Variants in SPPL2A observed in about 807,000 individuals in gnomAD.
SPPL2A encodes the protein signal peptide peptidase like 2A.
A neutral mutation model predicts 63.8 loss-of-function variants in SPPL2A; 51 were observed. That is an observed-to-expected ratio of 0.80 (90% confidence interval 0.64 to 1.01). SPPL2A has a LOEUF of 1.01. Among genes scored for constraint, SPPL2A ranks in the 50% least tolerant of loss-of-function variants. The probability of loss-of-function intolerance (pLI) is 0.00; values close to 1 mark genes in which losing one functional copy is unlikely to be tolerated. For synonymous variants in SPPL2A, 188 were observed against 205.8 expected, an observed-to-expected ratio of 0.91 and a Z score of 0.74; for missense variants, 553 against 622.7, an observed-to-expected ratio of 0.89 and a Z score of 1.19.
At position 50,757,187 on chromosome 15, in the gene SPPL2A, A is replaced by C. The variant is rs866744083; in HGVS notation, c.67-7441T>G. ...AAGCTCCGCCTCTGGGATTCACGCC[A>C]TTCTCCTGCCTCAGCCTCCCGAGTA... On this transcript the variant is annotated intron_variant, in intron 1 of 14. Coordinates refer to ENST00000261854, the MANE Select transcript of SPPL2A (RefSeq NM_032802.4). Among the ~76,000 whole-genome samples, 19 of 150,054 alleles carry C rather than the reference A, an allele frequency of 1.3e-4. No homozygotes were observed. The South Asian group carries it at 2.7e-3, about 21-fold the overall frequency.
intron 6 of SPPL2A, among the ~76,000 whole-genome samples, chr15:50,737,896 AC>A (rs2062784400): frequency 6.6e-6 from 1 of 150,840 alleles, no homozygotes; most frequent in South Asian, 2.1e-4. Flanking sequence ...ACATGGTGAA[AC>A]CCTGTTTCTA....
In SPPL2A at chr15:50,722,148, T is replaced by C; in HGVS notation, c.1303A>G (p.Ile435Val). Residue 435 changes from isoleucine to valine, a missense_variant, in exon 13 of 15, where the codon ATA becomes GTA. Coordinates refer to ENST00000261854, the MANE Select transcript of SPPL2A (RefSeq NM_032802.4). ...RFDVQTGSSYIYYVSSTVAYA... is the reference protein window; with the variant it reads ...RFDVQTGSSYVYYVSSTVAYA... Reference sequence around the variant, plus strand: ...CCAACTGTAGACGAAACATAGTATATGTAAGAAGAACCAGTCTGAACATCA... The same window carrying C: ...CCAACTGTAGACGAAACATAGTATACGTAAGAAGAACCAGTCTGAACATCA... 6.3e-7 allele frequency: 1 copy of C among 1,593,952 alleles called. No homozygotes were observed. Among genetic ancestry groups the C allele is most frequent in the Non-Finnish European group, 8.6e-7 (1 of 1,164,784 alleles).
intron 14 of SPPL2A, among the ~76,000 whole-genome samples, chr15:50,719,712 G>A (rs2062629040): frequency 7.0e-6 from 1 of 143,252 alleles, no homozygotes; most frequent in African/African-American, 2.5e-5. Flanking sequence ...TTTCCCTGAT[G>A]TCCTCTGCTG....
chr15:50,741,293 C>G (rs1451919371), intron 5 of SPPL2A, among the ~76,000 whole-genome samples: 1 of 146,944 alleles, frequency 6.8e-6, no homozygotes, highest in Non-Finnish European at 1.5e-5. Flanking sequence ...GGTCTGGGCT[C>G]AATATAAAAT....
chr15:50,726,610 G>A (rs955534174), intron 10 of SPPL2A, among the ~76,000 whole-genome samples: 2 of 152,142 alleles, frequency 1.3e-5, no homozygotes, highest in African/African-American at 4.8e-5. Flanking sequence ...TCAGAAATTG[G>A]CAAATGAATC....
At chr15:50,746,433 TATCAAAAA>T in intron 5 of SPPL2A, among the ~76,000 whole-genome samples, 1 of 80,094 alleles carries the variant, frequency 1.2e-5, no homozygotes, top group African/African-American at 5.9e-5. Context: ...CGAGACTCTG[TATCAAAAA>T]AAAAAAAAAA....
intron 1 of SPPL2A, among the ~76,000 whole-genome samples, chr15:50,758,079 G>A (rs1239270798): frequency 6.8e-6 from 1 of 147,934 alleles, no homozygotes; most frequent in East Asian, 2.1e-4. Context: ...ACGAGGTCAG[G>A]AGGTCGAGAC....
rs376948410 is a variant in SPPL2A at position 50,703,325 on chromosome 15, C to CATATATATATATAT, written c.*4461_*4474dup. 6.0e-5 allele frequency: 5 copies of CATATATATATATAT among 83,056 alleles called. No homozygotes were observed. The highest frequency in any genetic ancestry group is 2.3e-4 in the African/African-American group (5 of 21,668). 5.1% of individuals were successfully genotyped at this position (83,056 alleles called of 1,614,324 possible). ...GCCTAAATAAATTAGTTCATATATA[C>CATATATATATATAT]ATATATATATATATATATATACATA... On this transcript the variant is annotated 3_prime_UTR_variant, in exon 15 of 15. Coordinates refer to ENST00000261854, the MANE Select transcript of SPPL2A (RefSeq NM_032802.4).
intron 5 of SPPL2A, chr15:50,742,844 A>C (rs1321742308): frequency 6.6e-6 from 1 of 152,278 alleles, no homozygotes; most frequent in African/African-American, 2.4e-5. Flanking sequence ...CAAATAAAAA[A>C]GCTGATATGT....
At chr15:50,763,735 T>C (rs755445456) in intron 1 of SPPL2A, among the ~76,000 whole-genome samples, 12 of 151,972 alleles carry the variant, frequency 7.9e-5, no homozygotes, top group Non-Finnish European at 1.3e-4. Flanking sequence ...CCATCTCTAC[T>C]AAAAATACAA....
At chr15:50,761,914 A>G (rs2063014850) in intron 1 of SPPL2A, among the ~76,000 whole-genome samples, 1 of 152,148 alleles carries the variant, frequency 6.6e-6, no homozygotes, top group African/African-American at 2.4e-5. Context: ...CCTAGGCTAC[A>G]GAGCAAGACT....
chr15:50,739,566 A>T (rs1477761432), intron 6 of SPPL2A, 114 bp downstream of exon 6: 27 of 695,636 alleles, frequency 3.9e-5, no homozygotes, highest in Non-Finnish European at 5.6e-5. Flanking sequence ...ATATTAACCA[A>T]ATTATTCACA....
chr15:50,764,954 A>C (rs1442958339), intron 1 of SPPL2A, among the ~76,000 whole-genome samples: 1 of 151,956 alleles, frequency 6.6e-6, no homozygotes, highest in East Asian at 1.9e-4. Flanking sequence ...ATGAGCCCTA[A>C]GGCGAAGCAG....
At chr15:50,736,996 C>T (rs1332219689) in intron 6 of SPPL2A, among the ~76,000 whole-genome samples, 1 of 151,796 alleles carries the variant, frequency 6.6e-6, no homozygotes, top group Non-Finnish European at 1.5e-5. Flanking sequence ...TCACTGCAAT[C>T]TTTACCTCCT....
chr15:50,720,767 G>A lies in SPPL2A; in HGVS notation c.1328-667C>T, dbSNP rs540057323. ...ACTCCCGACCTCAGGTGATCCACCC[G>A]CTTCAGCCTCCCGAAGTGCTGGGAT... is the stretch of plus-strand genomic sequence containing the variant. On this transcript the variant is annotated intron_variant, in intron 13 of 14. Transcript: ENST00000261854. Among the ~76,000 whole-genome samples, 135 of 152,154 alleles carry A rather than the reference G, an allele frequency of 8.9e-4. 2 individuals carry two copies. The highest frequency in any genetic ancestry group is 6.2e-4 in the South Asian group (3 of 4,826).
intron 14 of SPPL2A, among the ~76,000 whole-genome samples, chr15:50,718,072 C>T (rs962365052): frequency 2.5e-4 from 36 of 146,522 alleles, no homozygotes; most frequent in African/African-American, 6.8e-4. Flanking sequence ...CCCAGGTTCA[C>T]GCCATTCTCC....
rs1216590394 is a variant in SPPL2A, at chr15:50,706,257, G to A, written c.*1543C>T. 6.6e-6 allele frequency: 1 copy of A among 150,746 alleles called. No homozygotes were observed. Among genetic ancestry groups the A allele is most frequent in the Non-Finnish European group, 1.5e-5 (1 of 67,384 alleles). The allele number at this position is 150,746 out of a possible 1,614,324, so 9.3% of individuals were successfully genotyped here. A position where few individuals can be genotyped will look rare whatever the true frequency, so the allele number is the denominator to read the frequency against. On this transcript the variant is annotated 3_prime_UTR_variant, in exon 15 of 15. Transcript: ENST00000261854. ...CTACAAAAAATAGCCGGGCGTAGTG[G>A]CGGGCGCCTGTAGTCCTAGCTACTT...
At position 50,739,280 on chromosome 15, in the gene SPPL2A, G is replaced by A. The variant is rs554646179; in HGVS notation, c.733+400C>T. On this transcript the variant is annotated intron_variant, in intron 6 of 14. Coordinates refer to ENST00000261854, the MANE Select transcript of SPPL2A (RefSeq NM_032802.4). The stretch of plus-strand genomic sequence containing the variant: ...TGCAAACTCCACCTCCCAGGTTCGA[G>A]CGATTCTCCTGACTCAGCCTCTCAA... 3.3e-5 allele frequency among the ~76,000 whole-genome samples: 5 copies of A among 150,850 alleles called. No homozygotes were observed. In the South Asian group the frequency reaches 1.0e-3, roughly 31 times the overall value.
chr15:50,739,511 T>A (rs541260346), intron 6 of SPPL2A, among the ~76,000 whole-genome samples, 169 bp downstream of exon 6: 1 of 152,042 alleles, frequency 6.6e-6, no homozygotes, highest in African/African-American at 2.4e-5. Flanking sequence ...TATTTTTATC[T>A]CAGAGTAACA....
Sources: gnomAD v4.1 joint callset for allele counts (sites outside exome capture counted in the v4.1 genomes callset) on GRCh38, gnomAD v4.1.1 for gene constraint, MANE v1.5 for transcripts, NCBI Gene and HGNC (gene_info 2026-07-23, HGNC 2026-07-21) for gene names.